Variants in UCHL3 observed in about 807,000 individuals in gnomAD.
UCHL3 encodes ubiquitin C-terminal hydrolase L3, also known as ubiquitin carboxyl-terminal hydrolase isozyme L3.
A neutral mutation model predicts 35.8 loss-of-function variants in UCHL3; 22 were observed. The ratio of observed to expected loss-of-function variants is 0.61; its 90% CI spans 0.44 to 0.88. The LOEUF is 0.88. UCHL3 is among the 40% of genes least tolerant of loss of function. The pLI is 0.00. For synonymous variants in UCHL3, 90 were observed against 92.8 expected, an observed-to-expected ratio of 0.97 and a Z score of 0.17; for missense variants, 229 against 276.9, an observed-to-expected ratio of 0.83 and a Z score of 1.23.
In UCHL3 at chr13:75,584,271, T is replaced by A. The variant is rs549276194; in HGVS notation, c.475-10644T>A. 3.0e-4 allele frequency among the ~76,000 whole-genome samples: 45 copies of A among 151,796 alleles called. No homozygotes were observed. In the South Asian group the frequency reaches 9.2e-3, roughly 31 times the overall value. On this transcript the variant is annotated intron_variant, in intron 6 of 8. Transcript: ENST00000377595. The stretch of plus-strand genomic sequence containing the variant: ...AGACTAGCAAGCACCAAGAAACAGG[T>A]CTCAAATGTGTGGGGATGGGTCAAT...
intron 6 of UCHL3, among the ~76,000 whole-genome samples, chr13:75,570,389 C>A (rs1464341912): frequency 1.3e-5 from 2 of 152,160 alleles, no homozygotes; most frequent in Admixed American, 6.5e-5. Context: ...GCGCCCGCCA[C>A]CATGCCTGGC....
intron 3 of UCHL3, 46 bp downstream of exon 3, chr13:75,560,927 G>A (rs2031472584): frequency 6.8e-7 from 1 of 1,468,178 alleles, no homozygotes; most frequent in East Asian, 2.6e-5. Flanking sequence ...TACAATTTTT[G>A]TTTTATTCTG....
At chr13:75,571,656 G>A (rs2031860159) in intron 6 of UCHL3, among the ~76,000 whole-genome samples, 2 of 152,124 alleles carry the variant, frequency 1.3e-5, no homozygotes, top group South Asian at 4.1e-4. Context: ...AAATGTACCT[G>A]AATCAGTTGG....
chr13:75,568,158 G>A (rs2031743402), intron 5 of UCHL3, among the ~76,000 whole-genome samples: 1 of 151,754 alleles, frequency 6.6e-6, no homozygotes, highest in Non-Finnish European at 1.5e-5. Flanking sequence ...TATTGCTTTT[G>A]GAATCAATTT....
intron 6 of UCHL3, among the ~76,000 whole-genome samples, chr13:75,576,085 G>T (rs373536524): frequency 6.6e-6 from 1 of 152,046 alleles, no homozygotes; most frequent in African/African-American, 2.4e-5. Context: ...AGCTAATTTT[G>T]TAGCAGTTCT....
At chr13:75,593,008 G>T (rs1245098581) in intron 6 of UCHL3, among the ~76,000 whole-genome samples, 1 of 152,064 alleles carries the variant, frequency 6.6e-6, no homozygotes, top group South Asian at 2.1e-4. Flanking sequence ...GACTCCAGTT[G>T]TACTACTTTT....
At chr13:75,560,118 T>C (rs2031443584) in intron 2 of UCHL3, among the ~76,000 whole-genome samples, 1 of 152,224 alleles carries the variant, frequency 6.6e-6, no homozygotes, top group Non-Finnish European at 1.5e-5. Context: ...GTTCATACAA[T>C]GCATTAGATA....
At chr13:75,553,256 T>C (rs2031177199) in intron 2 of UCHL3, among the ~76,000 whole-genome samples, 1 of 152,220 alleles carries the variant, frequency 6.6e-6, no homozygotes, top group African/African-American at 2.4e-5. Flanking sequence ...CACAAAGAAT[T>C]GTTCATAGCT....
At chr13:75,587,390 A>G (rs1359549639) in intron 6 of UCHL3, among the ~76,000 whole-genome samples, 1 of 152,064 alleles carries the variant, frequency 6.6e-6, no homozygotes, top group Non-Finnish European at 1.5e-5. Flanking sequence ...TTACACAACT[A>G]GATAACTGGC....
intron 2 of UCHL3, 138 bp downstream of exon 2, chr13:75,550,125 C>G: frequency 7.3e-7 from 1 of 1,367,244 alleles, no homozygotes; most frequent in Non-Finnish European, 1.0e-6. Context: ...CGGCTTTACG[C>G]GGGTCCGCCC....
intron 6 of UCHL3, among the ~76,000 whole-genome samples, chr13:75,581,908 C>T (rs2032197503): frequency 6.6e-6 from 1 of 152,066 alleles, no homozygotes; most frequent in African/African-American, 2.4e-5. Flanking sequence ...TTAAGTTTGA[C>T]AACCAGAAGA....
At chr13:75,566,880 T>TC in intron 4 of UCHL3, 29 bp downstream of exon 4, 1 of 1,573,050 alleles carries the variant, frequency 6.4e-7, no homozygotes, top group Non-Finnish European at 8.6e-7. Flanking sequence ...CTGCATTTTT[T>TC]CCCCCTTAAG....
At chr13:75,573,306 C>A (rs2031920561) in intron 6 of UCHL3, among the ~76,000 whole-genome samples, 1 of 150,716 alleles carries the variant, frequency 6.6e-6, no homozygotes, top group African/African-American at 2.4e-5. Context: ...CATCTATGGG[C>A]TTAAGAGTGT....
Position 75,604,794 on chromosome 13 carries a change from C to A in UCHL3, c.576C>A (p.Asn192Lys). 2.5e-6 allele frequency: 4 copies of A among 1,599,650 alleles called. No homozygotes were observed. Among genetic ancestry groups the A allele is most frequent in the Non-Finnish European group, 3.4e-6 (4 of 1,173,228 alleles). Residue 192 changes from asparagine (N) to lysine (K), a missense_variant, in exon 8 of 9, where the codon AAC becomes AAA. Physicochemically the swap from Asn to Lys is moderately conservative, Grantham distance 94. Coordinates refer to ENST00000377595, the MANE Select transcript of UCHL3 (RefSeq NM_006002.5). Reference protein sequence around the residue: ...ELDGRKPFPINHGETSDETLL... With the variant: ...ELDGRKPFPIKHGETSDETLL... ...ATGGGCGGAAGCCATTTCCAATTAA[C>A]CATGGTGAAACTAGTGATGAAACTT...
intron 6 of UCHL3, among the ~76,000 whole-genome samples, chr13:75,578,943 G>A (rs1405317438): frequency 2.6e-5 from 4 of 152,062 alleles, no homozygotes; most frequent in Admixed American, 2.6e-4. Context: ...AGCCAGTACA[G>A]ACTGTCAGTG....
chr13:75,574,698 A>C (rs1315978095), intron 6 of UCHL3, among the ~76,000 whole-genome samples: 2 of 152,350 alleles, frequency 1.3e-5, no homozygotes. Flanking sequence ...TTATTTTACT[A>C]GGCATCCAGT....
chr13:75,561,540 C>CT (rs1348477608), intron 3 of UCHL3, among the ~76,000 whole-genome samples: 62 of 150,114 alleles, frequency 4.1e-4, no homozygotes, highest in African/African-American at 1.4e-3. Context: ...ACAGTTTTTT[C>CT]AATATATATA....
chr13:75,571,976 C>CTGTCTTGTCTTGTCT (rs6145127), intron 6 of UCHL3, among the ~76,000 whole-genome samples: 15,509 of 143,014 alleles, frequency 0.11, 1,178 homozygotes, highest in African/African-American at 0.2. Flanking sequence ...TTTCCTAACC[C>CTGTCTTGTCTTGTCT]TGTCTTGTCT....
intron 3 of UCHL3, among the ~76,000 whole-genome samples, chr13:75,563,128 T>C (rs1250901593): frequency 1.3e-4 from 3 of 22,246 alleles, no homozygotes; most frequent in East Asian, 4.7e-3. Flanking sequence ...CATTATCCTT[T>C]ATGTATGTAT....
Sources: gnomAD v4.1 joint callset for allele counts (sites outside exome capture counted in the v4.1 genomes callset) on GRCh38, gnomAD v4.1.1 for gene constraint, MANE v1.5 for transcripts, NCBI Gene and HGNC (gene_info 2026-07-23, HGNC 2026-07-21) for gene names.